The following AATF variants were observed in gnomAD, a reference collection of about 807,000 sequenced individuals.
The protein encoded by AATF is protein AATF.
Under a neutral mutation model 63.7 loss-of-function variants are expected in AATF, and 48 were observed. That is an observed-to-expected ratio of 0.75 (90% CI 0.60 to 0.96). The LOEUF is 0.96. AATF is among the 40% of genes least tolerant of loss of function. The pLI is 0.00. For synonymous variants in AATF, 258 were observed against 247.7 expected (o/e 1.04, Z -0.39); for missense variants, 639 against 685.7 (o/e 0.93, Z 0.76).
At chr17:37,005,274 G>T (rs145192002) in intron 8 of AATF, among the ~76,000 whole-genome samples, 1 of 152,256 alleles carries the variant, frequency 6.6e-6, no homozygotes, top group African/African-American at 2.4e-5. Flanking sequence ...ATAGCTTGCA[G>T]GGGAGTTCAG....
rs187604630 is a variant in AATF, at chr17:36,959,840, T to C, written c.832+5933T>C. ...TCCAAGAACACAGCATAATGTAATATAAATACAGAGAAAGTATTAAGATTT... is the reference window on the plus strand; with the variant it reads ...TCCAAGAACACAGCATAATGTAATACAAATACAGAGAAAGTATTAAGATTT... On this transcript the variant is annotated intron_variant, in intron 4 of 11. Coordinates refer to ENST00000619387, the MANE Select transcript of AATF (RefSeq NM_012138.4). Among the ~76,000 whole-genome samples, 39 of 152,302 alleles carry C rather than the reference T, an allele frequency of 2.6e-4. No individual in the cohort carries two copies. In the East Asian group the frequency reaches 7.1e-3, roughly 28 times the overall value.
chr17:36,955,157 A>T (rs186914042), intron 4 of AATF, among the ~76,000 whole-genome samples: 2,529 of 152,108 alleles, frequency 0.017, 71 homozygotes, highest in African/African-American at 0.057. Flanking sequence ...AGTATCATGG[A>T]GTTAGAGTTG....
intron 11 of AATF, among the ~76,000 whole-genome samples, chr17:37,054,239 G>A (rs1266944185): frequency 1.3e-5 from 2 of 152,140 alleles, no homozygotes; most frequent in Non-Finnish European, 2.9e-5. Context: ...CCCCAGGGAG[G>A]GTCTGCTTTG....
At chr17:36,981,196 G>A (rs532097111) in intron 4 of AATF, among the ~76,000 whole-genome samples, 9 of 152,210 alleles carry the variant, frequency 5.9e-5, no homozygotes, top group East Asian at 1.9e-4. Context: ...AAAAAGGCTC[G>A]CATAGCTACT....
chr17:37,011,986 T>C (rs2071394830), intron 8 of AATF, among the ~76,000 whole-genome samples: 1 of 152,180 alleles, frequency 6.6e-6, no homozygotes, highest in Non-Finnish European at 1.5e-5. Context: ...TTTGAAATTA[T>C]AGTATATGCA....
At chr17:36,957,945 T>C (rs1013554698) in intron 4 of AATF, among the ~76,000 whole-genome samples, 2 of 152,082 alleles carry the variant, frequency 1.3e-5, no homozygotes, top group Admixed American at 1.3e-4. Flanking sequence ...ATCTCCTTCC[T>C]CTCCACACAC....
intron 10 of AATF, among the ~76,000 whole-genome samples, chr17:37,025,519 G>C (rs1046370255): frequency 2.6e-5 from 4 of 152,286 alleles, no homozygotes; most frequent in South Asian, 2.1e-4. Context: ...AGGAGGTTAC[G>C]ACAGCGATGA....
chr17:36,972,959 A>AT (rs1307815570), intron 4 of AATF, among the ~76,000 whole-genome samples: 1 of 152,090 alleles, frequency 6.6e-6, no homozygotes, highest in Non-Finnish European at 1.5e-5. Context: ...AGAACTTGCA[A>AT]TTTGTTCCTG....
intron 11 of AATF, among the ~76,000 whole-genome samples, chr17:37,047,029 A>G (rs565674719): frequency 7.7e-4 from 117 of 152,318 alleles, no homozygotes; most frequent in African/African-American, 2.7e-3. Context: ...CTTGACGTTA[A>G]TATTAAACAT....
At chr17:36,954,596 G>A (rs1359345139) in intron 4 of AATF, among the ~76,000 whole-genome samples, 3 of 152,156 alleles carry the variant, frequency 2.0e-5, no homozygotes, top group Non-Finnish European at 4.4e-5. Flanking sequence ...ATGATATGCC[G>A]AGGGAGAAAC....
At chr17:37,053,364 TATA>T (rs2071769948) in intron 11 of AATF, among the ~76,000 whole-genome samples, 1 of 151,912 alleles carries the variant, frequency 6.6e-6, no homozygotes, top group Non-Finnish European at 1.5e-5. Context: ...CTTAGAGCCT[TATA>T]ATGTCAAACA....
chr17:37,041,636 G>C (rs2071640983), intron 11 of AATF, among the ~76,000 whole-genome samples: 1 of 152,090 alleles, frequency 6.6e-6, no homozygotes, highest in Non-Finnish European at 1.5e-5. Context: ...CTCCCAAGTA[G>C]ATGGGACTAC....
At chr17:37,013,737 C>CTA (rs2142280491) in intron 8 of AATF, among the ~76,000 whole-genome samples, 1 of 152,284 alleles carries the variant, frequency 6.6e-6, no homozygotes, top group South Asian at 2.1e-4. Flanking sequence ...AACATCCCAA[C>CTA]TATAGGAACA....
chr17:37,012,526 A>G (rs2071399978), intron 8 of AATF, among the ~76,000 whole-genome samples: 2 of 152,218 alleles, frequency 1.3e-5, no homozygotes, highest in Admixed American at 6.5e-5. Flanking sequence ...CCAGTGAGGA[A>G]GTTTGAGGAA....
chr17:36,970,008 T>C (rs529011387), intron 4 of AATF, among the ~76,000 whole-genome samples: 2 of 152,372 alleles, frequency 1.3e-5, no homozygotes, highest in South Asian at 4.1e-4. Context: ...TGCTGAGTAG[T>C]ATCCCATTGT....
chr17:36,989,602 A>G (rs1377576093), intron 7 of AATF, among the ~76,000 whole-genome samples, 191 bp downstream of exon 7: 3 of 152,226 alleles, frequency 2.0e-5, no homozygotes, highest in South Asian at 4.1e-4. Context: ...TGGGGCTTCT[A>G]TTAACTCCTG....
rs1410654523 is a variant in AATF, at chr17:37,019,196, G to A, written c.1466+124G>A. On this transcript the variant is annotated intron_variant, in intron 9 of 11. Coordinates refer to ENST00000619387, the MANE Select transcript of AATF (RefSeq NM_012138.4). ...ATAATTATTGAAGTTAAGCAAGTAA[G>A]AGCTAGAAAGAAAATGTGACTAATT... 26 of 759,692 alleles carry A rather than the reference G, an allele frequency of 3.4e-5. No homozygotes were observed. The East Asian group carries it at 6.5e-4, about 19-fold the overall frequency. 47.1% of individuals were successfully genotyped at this position (759,692 alleles called of 1,614,324 possible).
At chr17:37,003,346 A>G (rs1396837577) in intron 8 of AATF, among the ~76,000 whole-genome samples, 1 of 152,164 alleles carries the variant, frequency 6.6e-6, no homozygotes, top group Non-Finnish European at 1.5e-5. Flanking sequence ...AGCTGAAACT[A>G]TTAAACTTTT....
At position 37,031,157 on chromosome 17, in the gene AATF, T is replaced by C. The variant is rs147338607; in HGVS notation, c.1548-457T>C. 1.6e-3 allele frequency among the ~76,000 whole-genome samples: 245 copies of C among 151,932 alleles called. 1 individual carries two copies. The highest frequency in any genetic ancestry group is 4.2e-3 in the African/African-American group (173 of 41,190). ...ATCAGTGGATTCAACCAACCACAGA[T>C]TGAAAATATTCAGGCATGGGGAAAG... On this transcript the variant is annotated intron_variant, in intron 10 of 11. Coordinates refer to ENST00000619387, the MANE Select transcript of AATF (RefSeq NM_012138.4).
Sources: allele counts gnomAD v4.1 joint callset (sites outside exome capture counted in the v4.1 genomes callset), GRCh38; gene constraint gnomAD v4.1.1; transcripts MANE v1.5; gene names NCBI Gene and HGNC (gene_info 2026-07-23, HGNC 2026-07-21).